Variants in DENND5A observed in about 807,000 individuals in gnomAD.
DENND5A encodes DENN domain containing 5A.
Under a neutral mutation model 140.3 loss-of-function variants are expected in DENND5A, and 64 were observed. The observed-to-expected ratio is 0.46, with a 90% CI of 0.37 to 0.56. The LOEUF (loss-of-function observed/expected upper bound fraction) is 0.56. Ranked by LOEUF, DENND5A falls within the 20% of genes least tolerant of loss-of-function variation. The probability of loss-of-function intolerance (pLI) is 0.00; values close to 1 mark genes in which losing one functional copy is unlikely to be tolerated. For missense variants in DENND5A, 1,292 were observed against 1,593.8 expected (o/e 0.81, Z 3.22); for synonymous variants, 605 against 607.7 (o/e 1.00, Z 0.07).
rs114652373 is a variant in DENND5A, at chr11:9,236,640, G to A, written c.109+28321C>T. Among the ~76,000 whole-genome samples the A allele has an allele frequency of 3.7e-3, 565 of 152,044 alleles. 5 individuals are homozygous for A. The highest frequency in any genetic ancestry group is 0.013 in the African/African-American group (546 of 41,458). On this transcript the variant is annotated intron_variant, in intron 1 of 22. Transcript: ENST00000328194. Reference sequence around the variant, plus strand: ...CACAACCCTGTAATCTCAGCTACTCGGGAGGCTAAGGCAAGAAGACTGCTT... The same window carrying A: ...CACAACCCTGTAATCTCAGCTACTCAGGAGGCTAAGGCAAGAAGACTGCTT...
At chr11:9,206,607 G>T in intron 3 of DENND5A, 66 bp downstream of exon 3, 1 of 1,183,162 alleles carries the variant, frequency 8.5e-7, no homozygotes, top group Non-Finnish European at 1.3e-6. Context: ...ACCACAGCCT[G>T]AACTCACAAT....
At position 9,166,646 on chromosome 11, in the gene DENND5A, A is replaced by T. The variant is rs528506611; in HGVS notation, c.2152-679T>A. Among the ~76,000 whole-genome samples, 5 of 152,066 alleles carry T rather than the reference A, an allele frequency of 3.3e-5. No individual in the cohort carries two copies. The South Asian group carries it at 8.3e-4, about 25-fold the overall frequency. Reference sequence around the variant, plus strand: ...CAGGAGTTCAAGACCAGCCTGGCCAACACAGTGAAACTCCATCTTTACTAA... The same window carrying T: ...CAGGAGTTCAAGACCAGCCTGGCCATCACAGTGAAACTCCATCTTTACTAA... On this transcript the variant is annotated intron_variant, in intron 10 of 22. Transcript: ENST00000328194.
intron 8 of DENND5A, among the ~76,000 whole-genome samples, chr11:9,174,505 G>A: frequency 7.0e-6 from 1 of 142,752 alleles, no homozygotes; most frequent in Non-Finnish European, 1.5e-5. Context: ...TCTGAATAAA[G>A]AAGGTTATTT....
At chr11:9,183,129 T>C (rs1334285647) in intron 5 of DENND5A, among the ~76,000 whole-genome samples, 1 of 152,220 alleles carries the variant, frequency 6.6e-6, no homozygotes, top group African/African-American at 2.4e-5. Context: ...CTTGCAGGTA[T>C]AAATTACAGA....
chr11:9,185,781 G>A (rs1218804842), intron 5 of DENND5A, among the ~76,000 whole-genome samples: 6 of 151,916 alleles, frequency 3.9e-5, no homozygotes, highest in African/African-American at 1.5e-4. Context: ...TGTGTGTGTG[G>A]CTGTGTATGT....
chr11:9,204,690 C>T (rs6486204), intron 3 of DENND5A, among the ~76,000 whole-genome samples: 22,148 of 152,138 alleles, frequency 0.15, 2,030 homozygotes, highest in Non-Finnish European at 0.21. Context: ...TGGCGAAACC[C>T]TGTCTCTACT....
rs757241784 is a variant in DENND5A at position 9,169,901 on chromosome 11, C to A, written c.2106G>T (p.Gln702His). 6.2e-7 allele frequency: 1 copy of A among 1,613,928 alleles called. No homozygotes were observed. The highest frequency in any genetic ancestry group is 1.1e-5 in the South Asian group (1 of 91,088). ...AACGCAGGTGTTCTGTGTGCTGCTT[C>A]TGCCGATCTTTCCGCCTCCACTGGG... ...APAQWRRKDR[Q>H]KQHTEHLRLD... The change falls in exon 10 of 23, where the codon CAG becomes CAT. Residue 702 changes from glutamine to histidine, a missense_variant. Around this residue, in one of 4 missense-constraint regions of DENND5A, gnomAD observed 199 missense variants for 189.1 expected, o/e 1.05. Transcript: ENST00000328194.
rs1008149841 is a variant in DENND5A, at chr11:9,169,828, C to T, written c.2151+28G>A. On this transcript the variant is annotated intron_variant, in intron 10 of 22. Coordinates refer to ENST00000328194, the MANE Select transcript of DENND5A (RefSeq NM_015213.4). Reference sequence around the variant, plus strand: ...GGAGTGCACAGCATGATAGCAAGGTCATCCTTATCATTCTTAAGGTATCTT... The same window carrying T: ...GGAGTGCACAGCATGATAGCAAGGTTATCCTTATCATTCTTAAGGTATCTT... 16 of 1,298,092 alleles carry T rather than the reference C, an allele frequency of 1.2e-5. No homozygotes were observed. The African/African-American group carries it at 1.5e-4, about 12-fold the overall frequency. 80.4% of individuals were successfully genotyped at this position (1,298,092 alleles called of 1,614,324 possible). A position where few individuals can be genotyped will look rare whatever the true frequency, so the allele number is the denominator to read the frequency against.
intron 3 of DENND5A, among the ~76,000 whole-genome samples, chr11:9,206,440 A>G (rs1332904489): frequency 6.6e-6 from 1 of 152,198 alleles, no homozygotes; most frequent in East Asian, 1.9e-4. Context: ...CTGACACAAT[A>G]CTATGTATTT....
intron 8 of DENND5A, among the ~76,000 whole-genome samples, chr11:9,176,172 G>GT (rs1848539890): frequency 6.6e-6 from 1 of 152,120 alleles, no homozygotes; most frequent in South Asian, 2.1e-4. Context: ...TAGAACATAG[G>GT]TTCCTGAACT....
chr11:9,251,830 A>C (rs995218740), intron 1 of DENND5A, among the ~76,000 whole-genome samples: 3 of 150,806 alleles, frequency 2.0e-5, no homozygotes, highest in Non-Finnish European at 2.9e-5. Flanking sequence ...TCTACTAAAA[A>C]TACAAAAAAT....
At chr11:9,154,948 G>A (rs1187692997) in intron 12 of DENND5A, among the ~76,000 whole-genome samples, 3 of 151,826 alleles carry the variant, frequency 2.0e-5, no homozygotes, top group African/African-American at 4.8e-5. Flanking sequence ...TCAGGAGTTC[G>A]AGACCAACCT....
chr11:9,148,621 C>G (rs554035644), intron 15 of DENND5A, among the ~76,000 whole-genome samples: 1 of 152,294 alleles, frequency 6.6e-6, no homozygotes, highest in South Asian at 2.1e-4. Context: ...GGAGTCAAAA[C>G]TGACTCCAAA....
intron 1 of DENND5A, among the ~76,000 whole-genome samples, chr11:9,240,319 C>T (rs1037272805): frequency 3.3e-5 from 5 of 152,056 alleles, no homozygotes; most frequent in Admixed American, 6.6e-5. Context: ...CGCTTGAACC[C>T]GGGAGGTGGA....
chr11:9,186,062 A>G (rs998211601), intron 5 of DENND5A, among the ~76,000 whole-genome samples: 1 of 152,254 alleles, frequency 6.6e-6, no homozygotes, highest in Non-Finnish European at 1.5e-5. Context: ...TGCATGTTTA[A>G]CAAGTCCATG....
chr11:9,238,906 A>G (rs999179496), intron 1 of DENND5A, among the ~76,000 whole-genome samples: 3 of 146,828 alleles, frequency 2.0e-5, no homozygotes, highest in African/African-American at 7.6e-5. Flanking sequence ...ATCTCGGCTC[A>G]TTGCAATTTC....
rs577879494 is a variant in DENND5A, at chr11:9,198,613, A to T, written c.950-4932T>A. Among the ~76,000 whole-genome samples, 5 of 152,150 alleles carry T rather than the reference A, an allele frequency of 3.3e-5. No homozygotes were observed. The East Asian group carries it at 7.7e-4, about 23-fold the overall frequency. On this transcript the variant is annotated intron_variant, in intron 4 of 22. Coordinates refer to ENST00000328194, the MANE Select transcript of DENND5A (RefSeq NM_015213.4). ...CAACAGAGCAAGACTCCACCTCAAA[A>T]AAAAAAAGAAAAAAGAAAAGTAAAG...
chr11:9,218,468 T>G (rs1011920895), intron 1 of DENND5A, among the ~76,000 whole-genome samples: 3 of 152,096 alleles, frequency 2.0e-5, no homozygotes, highest in Non-Finnish European at 4.4e-5. Flanking sequence ...CGGGATGCAG[T>G]GGCTCCCAGC....
chr11:9,199,111 T>C (rs535007530), intron 4 of DENND5A, among the ~76,000 whole-genome samples: 2 of 151,702 alleles, frequency 1.3e-5, no homozygotes, highest in South Asian at 4.2e-4. Context: ...GTACATATCA[T>C]TTTTAGGATT....
Sources: allele counts gnomAD v4.1 joint callset (sites outside exome capture counted in the v4.1 genomes callset), GRCh38; gene constraint gnomAD v4.1.1; regional missense constraint gnomAD v4.1.1; transcripts MANE v1.5; gene names NCBI Gene and HGNC (gene_info 2026-07-23, HGNC 2026-07-21).